Variants in DIAPH2 observed in about 807,000 individuals in gnomAD.
The protein encoded by DIAPH2 is protein diaphanous homolog 2.
A neutral mutation model predicts 92.7 loss-of-function variants in DIAPH2; 35 were observed. That is an observed-to-expected ratio of 0.38 (90% CI 0.29 to 0.50). The LOEUF (loss-of-function observed/expected upper bound fraction) is 0.50. Ranked by LOEUF, DIAPH2 falls within the 20% of genes least tolerant of loss-of-function variation. The pLI is 0.94. For missense variants in DIAPH2, 701 were observed against 819.5 expected, an observed-to-expected ratio of 0.86 and a Z score of 1.77; for synonymous variants, 301 against 280.4, an observed-to-expected ratio of 1.07 and a Z score of -0.73.
intron 1 of DIAPH2, among the ~76,000 whole-genome samples, chrX:96,722,730 T>A (rs978051520): frequency 9.0e-6 from 1 of 111,646 alleles, no homozygotes; most frequent in Non-Finnish European, 1.9e-5. Flanking sequence ...TAGTGAGAAA[T>A]TATCGCACTA....
chrX:96,885,102 G>C (rs1469780868), intron 5 of DIAPH2: 1 of 1,193,509 alleles, frequency 8.4e-7, no homozygotes, highest in South Asian at 1.8e-5. Context: ...ATTGAGGCAG[G>C]GAAAACATCC....
intron 2 of DIAPH2, among the ~76,000 whole-genome samples, chrX:96,738,314 T>TC (rs997744154): frequency 9.0e-6 from 1 of 111,534 alleles, no homozygotes; most frequent in Non-Finnish European, 1.9e-5. Context: ...ACTTTTTTTT[T>TC]CACTTATTTA....
At chrX:97,295,743 T>C (rs2068637827) in intron 23 of DIAPH2, among the ~76,000 whole-genome samples, 1 of 108,923 alleles carries the variant, frequency 9.2e-6, no homozygotes, top group African/African-American at 3.3e-5. Flanking sequence ...TCTTTTTTTT[T>C]TTTTTGAGAT....
At chrX:96,739,990 A>G (rs2064109705) in intron 3 of DIAPH2, among the ~76,000 whole-genome samples, 1 of 111,636 alleles carries the variant, frequency 9.0e-6, no homozygotes, top group Admixed American at 9.5e-5. Context: ...CCTTCAATAC[A>G]TTTTTTGCTC....
chrX:97,287,572 G>A (rs1209378979), intron 23 of DIAPH2, among the ~76,000 whole-genome samples: 1 of 109,743 alleles, frequency 9.1e-6, no homozygotes, highest in Non-Finnish European at 1.9e-5. Context: ...GTGATTTTAG[G>A]TATGGGTGTT....
At chrX:96,686,524 G>C (rs1367530857) in intron 1 of DIAPH2, among the ~76,000 whole-genome samples, 1 of 111,406 alleles carries the variant, frequency 9.0e-6, no homozygotes, top group Non-Finnish European at 1.9e-5. Flanking sequence ...TTATGAGATC[G>C]TATCATTTTC....
rs777133358 is a variant in DIAPH2 at position 96,872,013 on chromosome X, C to A, written c.448-9566C>A. Among the ~76,000 whole-genome samples, 134 of 112,055 alleles carry A rather than the reference C, an allele frequency of 1.2e-3. 1 individual carries two copies. Among genetic ancestry groups the A allele is most frequent in the Admixed American group, 2.9e-3 (31 of 10,572 alleles). On this transcript the variant is annotated intron_variant, in intron 4 of 26. Coordinates refer to ENST00000324765, the MANE Select transcript of DIAPH2 (RefSeq NM_006729.5). The stretch of plus-strand genomic sequence containing the variant: ...CAAAAAGTTACATATAGTATGATTT[C>A]ATGTAAATGACATTCCTTTTTTTAT...
chrX:96,855,494 A>G (rs965780322), intron 4 of DIAPH2, among the ~76,000 whole-genome samples: 2 of 110,158 alleles, frequency 1.8e-5, no homozygotes, highest in Non-Finnish European at 3.8e-5. Context: ...GTACAAACCA[A>G]TGCAGCAATA....
At chrX:96,828,126 CAG>C (rs1414413752) in intron 4 of DIAPH2, among the ~76,000 whole-genome samples, 1 of 111,778 alleles carries the variant, frequency 8.9e-6, no homozygotes, top group Non-Finnish European at 1.9e-5. Flanking sequence ...ACACCTCTGA[CAG>C]GGTCCCAGGA....
intron 17 of DIAPH2, among the ~76,000 whole-genome samples, chrX:97,012,196 G>A (rs1484634829): frequency 9.0e-6 from 1 of 111,719 alleles, no homozygotes; most frequent in Non-Finnish European, 1.9e-5. Context: ...ACATACAATC[G>A]TAGTGCTGAA....
chrX:96,802,411 T>C (rs1382884936), intron 4 of DIAPH2, among the ~76,000 whole-genome samples: 1 of 112,454 alleles, frequency 8.9e-6, no homozygotes, highest in Admixed American at 9.5e-5. Flanking sequence ...CTATGGACTG[T>C]AGTTTGCCAT....
intron 5 of DIAPH2, among the ~76,000 whole-genome samples, chrX:96,894,826 G>T (rs976675469): frequency 5.4e-5 from 6 of 110,884 alleles, no homozygotes; most frequent in African/African-American, 2.0e-4. Context: ...TTAATTTGCT[G>T]ATGACCATAG....
intron 26 of DIAPH2, among the ~76,000 whole-genome samples, chrX:97,549,406 C>T (rs1009266251): frequency 9.0e-6 from 1 of 111,667 alleles, no homozygotes; most frequent in Non-Finnish European, 1.9e-5. Flanking sequence ...TTGATACCCC[C>T]TTCACCCAGA....
At chrX:96,887,247 T>C (rs1259208818) in intron 5 of DIAPH2, among the ~76,000 whole-genome samples, 1 of 111,844 alleles carries the variant, frequency 8.9e-6, no homozygotes, top group Non-Finnish European at 1.9e-5. Flanking sequence ...ATTTAGTCCA[T>C]GTTAAAGGTA....
At chrX:97,476,834 C>T (rs2070607929) in intron 26 of DIAPH2, among the ~76,000 whole-genome samples, 1 of 102,376 alleles carries the variant, frequency 9.8e-6, no homozygotes, top group Non-Finnish European at 2.0e-5. Context: ...ATCCCAGCTA[C>T]TCAGGAGGCT....
At chrX:97,505,007 A>C (rs971736677) in intron 26 of DIAPH2, among the ~76,000 whole-genome samples, 5 of 112,203 alleles carry the variant, frequency 4.5e-5, no homozygotes, top group African/African-American at 1.6e-4. Flanking sequence ...TTTTCAGCCA[A>C]ATGCCAGGAT....
At chrX:97,025,255 C>A (rs775778165) in intron 17 of DIAPH2, among the ~76,000 whole-genome samples, 3 of 110,989 alleles carry the variant, frequency 2.7e-5, no homozygotes, top group Non-Finnish European at 5.7e-5. Flanking sequence ...GAGGTTGAGA[C>A]AGGAGAATCG....
intron 5 of DIAPH2, among the ~76,000 whole-genome samples, chrX:96,910,116 T>A (rs1312915764): frequency 1.8e-5 from 2 of 111,280 alleles, no homozygotes; most frequent in East Asian, 5.6e-4. Flanking sequence ...GCTGTAGTGA[T>A]ATCTGCTGAT....
intron 23 of DIAPH2, among the ~76,000 whole-genome samples, chrX:97,275,284 C>G (rs1238310827): frequency 1.0e-5 from 1 of 95,277 alleles, no homozygotes; most frequent in East Asian, 3.7e-4. Context: ...CCCCCCCAAC[C>G]TCCCTCCCGG....
Sources: allele counts gnomAD v4.1 joint callset (sites outside exome capture counted in the v4.1 genomes callset), GRCh38; gene constraint gnomAD v4.1.1; transcripts MANE v1.5; gene names NCBI Gene and HGNC (gene_info 2026-07-23, HGNC 2026-07-21).